The following PRKD1 variants were observed in gnomAD, a reference collection of about 807,000 sequenced individuals.
PRKD1 encodes the protein serine/threonine-protein kinase D1.
A neutral mutation model predicts 95.9 loss-of-function variants in PRKD1; 63 were observed. The ratio of observed to expected loss-of-function variants is 0.66; its 90% CI spans 0.54 to 0.81. The LOEUF (loss-of-function observed/expected upper bound fraction) is 0.81, where lower values mean the gene tolerates loss of function less well. Ranked by LOEUF, PRKD1 falls within the 30% of genes least tolerant of loss-of-function variation. PRKD1 has a pLI of 0.00. For synonymous variants in PRKD1, 425 were observed against 423.1 expected, an observed-to-expected ratio of 1.00 and a Z score of -0.05; for missense variants, 1,048 against 1,165.3, an observed-to-expected ratio of 0.90 and a Z score of 1.47.
intron 16 of PRKD1, among the ~76,000 whole-genome samples, 183 bp from the exon 17 acceptor site, chr14:29,578,543 T>TAAAAAAAAAAAA (rs992449669): frequency 1.6e-4 from 7 of 42,702 alleles, no homozygotes; most frequent in African/African-American, 3.8e-4. Context: ...TTTTGGATAC[T>TAAAAAAAAAAAA]AAAAAAAAAA....
chr14:29,901,215 T>A (rs1033239026), intron 1 of PRKD1, among the ~76,000 whole-genome samples: 1 of 152,210 alleles, frequency 6.6e-6, no homozygotes, highest in African/African-American at 2.4e-5. Flanking sequence ...GAGGTAATTA[T>A]CCTAGGCAAA....
rs45532743 is a variant in PRKD1 at position 29,633,376 on chromosome 14, A to G, written c.1315-430T>C. On this transcript the variant is annotated intron_variant, in intron 8 of 17. Transcript: ENST00000331968. ...TAAGAAATCCCATGCTGATGGAGCC[A>G]GGTATTCTTGCTTCCATTGGCAATG... Among the ~76,000 whole-genome samples the G allele has an allele frequency of 7.1e-3, 1,085 of 152,344 alleles. 15 individuals carry two copies. The highest frequency in any genetic ancestry group is 0.024 in the African/African-American group (1,018 of 41,592).
At chr14:29,723,914 A>G (rs1042989642) in intron 2 of PRKD1, among the ~76,000 whole-genome samples, 3 of 152,106 alleles carry the variant, frequency 2.0e-5, no homozygotes, top group African/African-American at 7.2e-5. Context: ...GGCCAGGAAA[A>G]CAGGAGACAT....
At chr14:29,856,504 A>G (rs1892510060) in intron 1 of PRKD1, among the ~76,000 whole-genome samples, 1 of 152,210 alleles carries the variant, frequency 6.6e-6, no homozygotes, top group Non-Finnish European at 1.5e-5. Flanking sequence ...TGTCTCATGG[A>G]GAAGGAAATA....
intron 1 of PRKD1, among the ~76,000 whole-genome samples, chr14:29,883,698 T>C (rs1044078429): frequency 1.4e-4 from 21 of 152,200 alleles, no homozygotes; most frequent in African/African-American, 4.8e-4. Flanking sequence ...ATGTTTGAAT[T>C]TGTAAATGAC....
In PRKD1 at chr14:29,597,656, T is replaced by A; in HGVS notation, c.2269A>T (p.Asn757Tyr). ...PAYLAPEVLR[N>Y]KGYNRSLDMW... ...TCTAGAGAGCGATTGTAGCCCTTGTTCCTTAGGACCTCAGGAGCCAGGTAA... is the reference window on the plus strand; with the variant it reads ...TCTAGAGAGCGATTGTAGCCCTTGTACCTTAGGACCTCAGGAGCCAGGTAA... Residue 757 changes from asparagine (N) to tyrosine (Y), a missense_variant, in exon 16 of 18, where the codon AAC becomes TAC. Asn to Tyr is a moderately radical substitution (Grantham distance 143). This residue lies in a region of PRKD1 where 739 missense variants were observed against 861.9 expected (regional missense o/e 0.86). Transcript: ENST00000331968. 6.2e-7 allele frequency: 1 copy of A among 1,614,042 alleles called. No homozygotes were observed. The highest frequency in any genetic ancestry group is 8.5e-7 in the Non-Finnish European group (1 of 1,179,996).
At chr14:29,883,958 A>C (rs1304013961) in intron 1 of PRKD1, among the ~76,000 whole-genome samples, 1 of 152,216 alleles carries the variant, frequency 6.6e-6, no homozygotes, top group Non-Finnish European at 1.5e-5. Flanking sequence ...CATATGGTTG[A>C]CCTTCTAATT....
In PRKD1 at chr14:29,638,495, T is replaced by G; in HGVS notation, c.979A>C (p.Asn327His). 6.2e-7 allele frequency: 1 copy of G among 1,614,082 alleles called. No homozygotes were observed. The highest frequency in any genetic ancestry group is 1.3e-5 in the African/African-American group (1 of 75,038). Residue 327 changes from asparagine (N) to histidine (H), a missense_variant, in exon 6 of 18, where the codon AAT becomes CAT. Transcript: ENST00000331968. ...CAGCTGATCTTTTACCTACCTCCAT[T>G]AATGGTCACTTCGCCAAGGCAGTTG... ...PNNCLGEVTI[N>H]GDLLSPGAES... is the part of the protein sequence containing the mutation.
At chr14:29,874,474 T>C (rs1179550829) in intron 1 of PRKD1, among the ~76,000 whole-genome samples, 1 of 152,176 alleles carries the variant, frequency 6.6e-6, no homozygotes, top group African/African-American at 2.4e-5. Flanking sequence ...CTGTTAGGTA[T>C]CTATCCAAAG....
intron 1 of PRKD1, among the ~76,000 whole-genome samples, chr14:29,911,709 G>A (rs1323043299): frequency 3.3e-5 from 5 of 152,072 alleles, no homozygotes; most frequent in African/African-American, 1.2e-4. Context: ...TACTGTTCCT[G>A]TAACAATTTA....
At chr14:29,888,730 A>G (rs1362323338) in intron 1 of PRKD1, among the ~76,000 whole-genome samples, 3 of 152,194 alleles carry the variant, frequency 2.0e-5, no homozygotes, top group Admixed American at 6.5e-5. Context: ...CACACAAATC[A>G]GAAATTCAGC....
intron 2 of PRKD1, among the ~76,000 whole-genome samples, chr14:29,724,879 T>A (rs1886065083): frequency 6.6e-6 from 1 of 152,238 alleles, no homozygotes; most frequent in African/African-American, 2.4e-5. Context: ...TAGCTGTTGT[T>A]CTCTGGTGCT....
intron 11 of PRKD1, among the ~76,000 whole-genome samples, chr14:29,627,079 A>G (rs570463476): frequency 6.6e-6 from 1 of 152,362 alleles, no homozygotes; most frequent in Non-Finnish European, 1.5e-5. Flanking sequence ...CTTAAGTGGC[A>G]GAGGTTTTCT....
intron 1 of PRKD1, among the ~76,000 whole-genome samples, chr14:29,911,542 A>G (rs921252035): frequency 1.3e-5 from 2 of 152,198 alleles, no homozygotes; most frequent in Admixed American, 6.5e-5. Flanking sequence ...AGAGCAAATA[A>G]AAGCATATTT....
chr14:29,726,969 G>A (rs982417676), intron 1 of PRKD1, among the ~76,000 whole-genome samples: 6 of 152,056 alleles, frequency 3.9e-5, no homozygotes, highest in South Asian at 4.1e-4. Context: ...CTGAGGAATC[G>A]CCACACTGAC....
chr14:29,833,309 A>G (rs961549675), intron 1 of PRKD1, among the ~76,000 whole-genome samples: 3 of 152,044 alleles, frequency 2.0e-5, no homozygotes, highest in Admixed American at 1.3e-4. Context: ...AATCAATTTT[A>G]TTTTCTTTCA....
chr14:29,770,404 A>G (rs1888448554), intron 1 of PRKD1, among the ~76,000 whole-genome samples: 1 of 152,204 alleles, frequency 6.6e-6, no homozygotes, highest in African/African-American at 2.4e-5. Flanking sequence ...GATTCTGGTG[A>G]GGGCTCAGAA....
At chr14:29,734,023 C>A (rs1886587291) in intron 1 of PRKD1, among the ~76,000 whole-genome samples, 1 of 125,756 alleles carries the variant, frequency 8.0e-6, no homozygotes, top group South Asian at 2.5e-4. Flanking sequence ...GTCATACTTT[C>A]CTGCCTTTTT....
At chr14:29,921,325 T>C (rs1895097482) in intron 1 of PRKD1, among the ~76,000 whole-genome samples, 1 of 151,938 alleles carries the variant, frequency 6.6e-6, no homozygotes, top group Non-Finnish European at 1.5e-5. Flanking sequence ...GAAAAAGATG[T>C]CACCTGGGCC....
Sources: gnomAD v4.1 joint callset for allele counts (sites outside exome capture counted in the v4.1 genomes callset) on GRCh38, gnomAD v4.1.1 for gene constraint, gnomAD v4.1.1 regional missense constraint, MANE v1.5 for transcripts, NCBI Gene and HGNC (gene_info 2026-07-23, HGNC 2026-07-21) for gene names.